KIAA1958: variants seen among roughly 807,000 people sequenced by gnomAD.
The protein encoded by KIAA1958 is KIAA1958.
A neutral mutation model predicts 47.2 loss-of-function variants in KIAA1958; 14 were observed. The observed-to-expected ratio is 0.30, with a 90% CI of 0.20 to 0.46. The LOEUF (loss-of-function observed/expected upper bound fraction) is 0.46, where lower values mean the gene tolerates loss of function less well. KIAA1958 is among the 20% of genes least tolerant of loss of function. The probability of loss-of-function intolerance (pLI) is 1.00; values close to 1 mark genes in which losing one functional copy is unlikely to be tolerated. For synonymous variants in KIAA1958, 354 were observed against 353.3 expected (o/e 1.00, Z -0.02); for missense variants, 803 against 909.2 (o/e 0.88, Z 1.50).
intron 2 of KIAA1958, among the ~76,000 whole-genome samples, chr9:112,582,229 T>G (rs1367184706): frequency 7.2e-5 from 11 of 152,296 alleles, no homozygotes. Context: ...TTTAAATGAC[T>G]AGAGAAGTAT....
At chr9:112,617,523 G>A (rs1452723385) in intron 2 of KIAA1958, among the ~76,000 whole-genome samples, 2 of 152,182 alleles carry the variant, frequency 1.3e-5, no homozygotes, top group Non-Finnish European at 2.9e-5. Flanking sequence ...GCTCTTGCAC[G>A]CTGCAGTAGG....
intron 1 of KIAA1958, among the ~76,000 whole-genome samples, chr9:112,492,515 A>G (rs750878309): frequency 1.6e-4 from 25 of 152,168 alleles, no homozygotes; most frequent in Non-Finnish European, 3.2e-4. Context: ...CCATCCCTCT[A>G]CCTACTGCCT....
chr9:112,550,792 T>C (rs1421917457), intron 1 of KIAA1958, among the ~76,000 whole-genome samples: 1 of 152,100 alleles, frequency 6.6e-6, no homozygotes, highest in African/African-American at 2.4e-5. Context: ...TTGTATCACC[T>C]GTGTGAACCT....
chr9:112,494,557 G>A (rs148337212), intron 1 of KIAA1958, among the ~76,000 whole-genome samples: 3 of 151,302 alleles, frequency 2.0e-5, no homozygotes, highest in Non-Finnish European at 2.9e-5. Context: ...CAGTGTCAAC[G>A]TCTCTGGCCT....
Position 112,618,507 on chromosome 9 carries a change from C to A in KIAA1958, c.1172-27143C>A. ...AAAACCAAGAGAGGGGGGACAGACT[C>A]CCGTGTGTATGCCACCCAGCACGCC... On this transcript the variant is annotated intron_variant, in intron 2 of 3. Transcript: ENST00000337530. The surrounding 1 kb of genome is among the most constrained non-coding windows in gnomAD (Gnocchi z 7.1). The A allele has an allele frequency of 1.3e-6, 2 of 1,550,710 alleles. No individual in the cohort carries two copies. The highest frequency in any genetic ancestry group is 1.7e-6 in the Non-Finnish European group (2 of 1,147,034).
chr9:112,566,947 C>T (rs1399771854), intron 1 of KIAA1958, among the ~76,000 whole-genome samples: 6 of 151,744 alleles, frequency 4.0e-5, no homozygotes, highest in East Asian at 1.9e-4. Context: ...ATGATTATTT[C>T]GATGATTAAT....
chr9:112,652,954 G>A (rs1047464541), intron 3 of KIAA1958, among the ~76,000 whole-genome samples: 4 of 152,120 alleles, frequency 2.6e-5, no homozygotes, highest in African/African-American at 9.7e-5. Flanking sequence ...CATGTATTTC[G>A]GGACTTCTGG....
At chr9:112,523,129 T>G (rs780756284) in intron 1 of KIAA1958, among the ~76,000 whole-genome samples, 1 of 152,332 alleles carries the variant, frequency 6.6e-6, no homozygotes, top group Non-Finnish European at 1.5e-5. Flanking sequence ...TTTGCACTTA[T>G]GATTCCTTAT....
chr9:112,568,953 A>AAAAAAAAAAAAAAAAAAT, intron 1 of KIAA1958, among the ~76,000 whole-genome samples: 1 of 147,976 alleles, frequency 6.8e-6, no homozygotes, highest in Non-Finnish European at 1.5e-5. Flanking sequence ...AAAAAAAAAA[A>AAAAAAAAAAAAAAAAAAT]AAAAAAAAAA....
At chr9:112,551,036 G>GT (rs201387967) in intron 1 of KIAA1958, among the ~76,000 whole-genome samples, 397 of 122,616 alleles carry the variant, frequency 3.2e-3, no homozygotes, top group South Asian at 9.8e-3. Flanking sequence ...CTGCATAGTT[G>GT]TTTTTTTTTT....
chr9:112,658,077 G>C (rs1160464559), intron 3 of KIAA1958, among the ~76,000 whole-genome samples: 1 of 152,062 alleles, frequency 6.6e-6, no homozygotes, highest in Non-Finnish European at 1.5e-5. Context: ...GGCTGGTCTT[G>C]AACTCCTGAC....
At chr9:112,625,337 A>G (rs1836590425) in intron 2 of KIAA1958, among the ~76,000 whole-genome samples, 1 of 152,014 alleles carries the variant, frequency 6.6e-6, no homozygotes, top group African/African-American at 2.4e-5. Context: ...AATTTTTTGT[A>G]GACATGGGAT....
chr9:112,490,531 G>A (rs145658497), intron 1 of KIAA1958, among the ~76,000 whole-genome samples: 48 of 152,324 alleles, frequency 3.2e-4, no homozygotes, highest in Admixed American at 6.5e-4. Flanking sequence ...CAAATGCACT[G>A]CATAGATTCC....
chr9:112,556,450 GTTGTAAA>G (rs1346070543), intron 1 of KIAA1958, among the ~76,000 whole-genome samples: 7 of 152,252 alleles, frequency 4.6e-5, no homozygotes, highest in African/African-American at 1.7e-4. Flanking sequence ...CTCCACTTTT[GTTGTAAA>G]TTGTATATAG....
At chr9:112,569,136 C>T (rs1835486354) in intron 1 of KIAA1958, among the ~76,000 whole-genome samples, 1 of 152,030 alleles carries the variant, frequency 6.6e-6, no homozygotes, top group Non-Finnish European at 1.5e-5. Flanking sequence ...AGAATATGTT[C>T]ACATTCCTTC....
In KIAA1958 at chr9:112,574,677, C is replaced by T. The variant is rs1224411846; in HGVS notation, c.597C>T (p.Ile199=). 5 of 1,614,120 alleles carry T rather than the reference C, an allele frequency of 3.1e-6. No individual in the cohort carries two copies. The highest frequency in any genetic ancestry group is 4.5e-5 in the East Asian group (2 of 44,876). The part of the protein sequence containing the change: ...QMVDECSNDV[I]IKKIKQEIPE... ...TTGACGAATGCAGCAATGATGTCAT[C>T]ATCAAGAAAATCAAACAAGAAATCC... is the stretch of plus-strand genomic sequence containing the variant. The change falls in exon 2 of 4, where the codon ATC becomes ATT. Residue 199 remains isoleucine (I), a synonymous_variant. Transcript: ENST00000337530.
At chr9:112,493,810 C>G (rs990994248) in intron 1 of KIAA1958, among the ~76,000 whole-genome samples, 1 of 152,188 alleles carries the variant, frequency 6.6e-6, no homozygotes, top group African/African-American at 2.4e-5. Flanking sequence ...ACTTGACTCA[C>G]ATTTTTTTTC....
intron 1 of KIAA1958, among the ~76,000 whole-genome samples, chr9:112,505,939 C>A (rs1359775523): frequency 6.6e-6 from 1 of 152,148 alleles, no homozygotes; most frequent in Non-Finnish European, 1.5e-5. Flanking sequence ...GAGAACGATG[C>A]GTATGTATCC....
Position 112,486,922 on chromosome 9 carries a change from C to T in KIAA1958, c.-221C>T, listed in dbSNP as rs1038671527. On this transcript the variant is annotated 5_prime_UTR_variant, in exon 1 of 4. Transcript: ENST00000337530. The stretch of plus-strand genomic sequence containing the variant: ...CGGCCGAGCCAGGCTGGCGCCCCCG[C>T]CCCCCGCCCCGCTCCTCGGTCCGCC... The T allele has an allele frequency of 1.4e-5, 2 of 145,956 alleles. No individual in the cohort carries two copies. Among genetic ancestry groups the T allele is most frequent in the South Asian group, 2.0e-4 (1 of 4,978 alleles). 9.0% of individuals were successfully genotyped at this position (145,956 alleles called of 1,614,324 possible).
Sources: allele counts gnomAD v4.1 joint callset (sites outside exome capture counted in the v4.1 genomes callset), GRCh38; gene constraint gnomAD v4.1.1; non-coding constraint Gnocchi (gnomAD v3.1); transcripts MANE v1.5; gene names NCBI Gene and HGNC (gene_info 2026-07-23, HGNC 2026-07-21).